Variants in TENM3 observed in about 807,000 individuals in gnomAD.
The protein encoded by TENM3 is teneurin transmembrane protein 3.
Under a neutral mutation model 255.1 loss-of-function variants are expected in TENM3, and 63 were observed. The observed-to-expected ratio is 0.25, with a 90% CI of 0.20 to 0.30. TENM3 has a LOEUF of 0.30. Ranked by LOEUF, TENM3 falls within the 10% of genes least tolerant of loss-of-function variation. The pLI, the probability that TENM3 is intolerant of heterozygous loss-of-function variation, is 1.00. For missense variants in TENM3, 2,929 were observed against 3,461.1 expected (o/e 0.85, Z 3.86); for synonymous variants, 1,306 against 1,322.3 (o/e 0.99, Z 0.27).
At chr4:181,754,238 T>C in the TENM3 span, among the ~76,000 whole-genome samples, 2 of 151,266 alleles carry the variant, frequency 1.3e-5, no homozygotes, top group South Asian at 2.1e-4. Context: ...AAACAACTTA[T>C]CATCTTCATT....
chr4:181,787,318 A>G, the TENM3 span, among the ~76,000 whole-genome samples: 5 of 151,620 alleles, frequency 3.3e-5, no homozygotes, highest in African/African-American at 1.2e-4. Flanking sequence ...CCTGCAGGCC[A>G]TCATCATCTT....
the TENM3 span, among the ~76,000 whole-genome samples, chr4:182,066,912 A>AAT: frequency 6.6e-5 from 10 of 151,634 alleles, no homozygotes; most frequent in African/African-American, 1.7e-4. Flanking sequence ...CTCCATCTCA[A>AAT]ATATATATAT....
At chr4:182,788,934 G>C (rs1425173646) in intron 24 of TENM3, among the ~76,000 whole-genome samples, 159 bp from the exon 25 acceptor site, 4 of 152,142 alleles carry the variant, frequency 2.6e-5, no homozygotes, top group Admixed American at 2.6e-4. Context: ...CATTTTAAAA[G>C]AGCAGTTAAT....
At chr4:181,653,552 C>A in the TENM3 span, among the ~76,000 whole-genome samples, 1 of 152,044 alleles carries the variant, frequency 6.6e-6, no homozygotes, top group South Asian at 2.1e-4. Flanking sequence ...AGGCACCCAC[C>A]ACCACACCCG....
Position 182,729,052 on chromosome 4 carries a change from A to G in TENM3, c.2456A>G (p.Gln819Arg), listed in dbSNP as rs1408488729. 6 of 1,613,922 alleles carry G rather than the reference A, an allele frequency of 3.7e-6. No homozygotes were observed. In the African/African-American group the frequency reaches 4.0e-5, roughly 11 times the overall value. The change falls in exon 14 of 28, where the codon CAG (glutamine) becomes CGG (arginine). Residue 819 changes from glutamine (Q) to arginine (R), a missense_variant. Transcript: ENST00000511685. ...QPYCRGLPDP[Q>R]DIISQSLQSP... Reference sequence around the variant, plus strand: ...TATTGTCGGGGACTGCCGGATCCTCAGGACATCATTAGCCAAAGCCTTCAA... The same window carrying G: ...TATTGTCGGGGACTGCCGGATCCTCGGGACATCATTAGCCAAAGCCTTCAA...
the TENM3 span, among the ~76,000 whole-genome samples, chr4:181,764,093 A>G: frequency 6.6e-6 from 1 of 152,216 alleles, no homozygotes; most frequent in African/African-American, 2.4e-5. Context: ...CTATATTACA[A>G]TATTCTGCTC....
the TENM3 span, among the ~76,000 whole-genome samples, chr4:182,096,003 C>G: frequency 6.6e-6 from 1 of 151,748 alleles, no homozygotes. Context: ...GTGGCACACG[C>G]CTGTAAGTCC....
chr4:181,580,397 C>T, the TENM3 span, among the ~76,000 whole-genome samples: 1 of 152,148 alleles, frequency 6.6e-6, no homozygotes, highest in Non-Finnish European at 1.5e-5. Context: ...CCACCCCAAC[C>T]CATTTGTGGA....
intron 3 of TENM3, chr4:182,448,851 G>T: frequency 5.6e-6 from 1 of 178,186 alleles, no homozygotes; most frequent in Non-Finnish European, 1.1e-5. Context: ...CGGGGCGCTG[G>T]GCGCGGGGCT....
the TENM3 span, among the ~76,000 whole-genome samples, chr4:181,647,626 A>G: frequency 1.3e-5 from 2 of 152,166 alleles, no homozygotes; most frequent in Non-Finnish European, 1.5e-5. Context: ...TGTGTCATGA[A>G]ATTTGCAAGA....
At chr4:181,548,063 GT>G in the TENM3 span, among the ~76,000 whole-genome samples, 2 of 151,648 alleles carry the variant, frequency 1.3e-5, no homozygotes, top group East Asian at 1.9e-4. Flanking sequence ...TGCGGTGTCT[GT>G]TTTTTTCTCC....
At chr4:182,426,123 TA>T (rs1334914348) in intron 3 of TENM3, among the ~76,000 whole-genome samples, 6 of 151,520 alleles carry the variant, frequency 4.0e-5, no homozygotes, top group Admixed American at 4.0e-4. Flanking sequence ...TGTTTGGGAG[TA>T]AATGTCTCTT....
At chr4:182,170,465 C>T (rs1157417282) in intron 1 of TENM3, among the ~76,000 whole-genome samples, 1 of 152,020 alleles carries the variant, frequency 6.6e-6, no homozygotes, top group African/African-American at 2.4e-5. Context: ...TTTACAAACC[C>T]TGCCAAATTC....
chr4:181,611,175 T>C, the TENM3 span, among the ~76,000 whole-genome samples: 1 of 152,226 alleles, frequency 6.6e-6, no homozygotes, highest in African/African-American at 2.4e-5. Context: ...GCAGTACTTG[T>C]AGGCGAACGT....
the TENM3 span, among the ~76,000 whole-genome samples, chr4:182,075,365 A>AT: frequency 1.3e-5 from 2 of 151,490 alleles, no homozygotes; most frequent in South Asian, 2.1e-4. Flanking sequence ...CACCCTGCTA[A>AT]TTTTTTGTAT....
chr4:181,772,687 T>G, the TENM3 span, among the ~76,000 whole-genome samples: 4 of 152,206 alleles, frequency 2.6e-5, no homozygotes. Flanking sequence ...TCTCAGGTAC[T>G]AAGGTTAGAC....
chr4:182,554,307 A>G (rs1441661059), intron 3 of TENM3, among the ~76,000 whole-genome samples: 1 of 152,212 alleles, frequency 6.6e-6, no homozygotes, highest in East Asian at 1.9e-4. Context: ...CAGTTTAAAT[A>G]TTCCAACTTT....
the TENM3 span, among the ~76,000 whole-genome samples, chr4:181,450,425 A>T: frequency 6.6e-6 from 1 of 152,208 alleles, no homozygotes; most frequent in African/African-American, 2.4e-5. Flanking sequence ...GTGAAGGAAC[A>T]CAATCGTTTT....
At chr4:182,200,886 G>A (rs2197997) in intron 1 of TENM3, among the ~76,000 whole-genome samples, 21,484 of 148,180 alleles carry the variant, frequency 0.14, 1,634 homozygotes, top group South Asian at 0.22. Context: ...GTGCAATGGC[G>A]CGATCTCGGC....
Sources: allele counts gnomAD v4.1 joint callset (sites outside exome capture counted in the v4.1 genomes callset), GRCh38; gene constraint gnomAD v4.1.1; transcripts MANE v1.5; gene names NCBI Gene and HGNC (gene_info 2026-07-23, HGNC 2026-07-21).